The following SLITRK2 variants were observed in gnomAD, a reference collection of about 807,000 sequenced individuals.
SLITRK2 encodes the protein SLIT and NTRK-like protein 2.
A neutral mutation model predicts 35.4 loss-of-function variants in SLITRK2; 13 were observed. That is an observed-to-expected ratio of 0.37 (90% CI 0.24 to 0.58). The LOEUF is 0.58. Ranked by LOEUF, SLITRK2 falls within the 20% of genes least tolerant of loss-of-function variation. The probability of loss-of-function intolerance (pLI) is 0.75; values close to 1 mark genes in which losing one functional copy is unlikely to be tolerated. For synonymous variants in SLITRK2, 294 were observed against 264.7 expected (o/e 1.11, Z -1.07); for missense variants, 471 against 634.3 (o/e 0.74, Z 2.76).
rs781967820 is a variant in SLITRK2 at position 145,824,613 on chromosome X, C to A, written c.2188C>A (p.Pro730Thr). ...CAACCTGGAGGAGAAAAAAGAAGAG[C>A]CAGCCACACCTGCTTACACAATAAG... is the stretch of plus-strand genomic sequence containing the variant. ...YSNLEEKKEE[P>T]ATPAYTISAT... Residue 730 changes from proline (P) to threonine (T), a missense_variant, in exon 5 of 5, where the codon CCA becomes ACA. Coordinates refer to ENST00000335565, the MANE Select transcript of SLITRK2 (RefSeq NM_032539.5). 6 of 1,210,644 alleles carry A rather than the reference C, an allele frequency of 5.0e-6. No individual in the cohort carries two copies. In the Admixed American group the frequency reaches 1.3e-4, roughly 26 times the overall value.
chrX:145,823,749 A>G lies in SLITRK2; in HGVS notation c.1324A>G (p.Met442Val). The G allele has an allele frequency of 8.3e-7, 1 of 1,211,477 alleles. No homozygotes were observed. The highest frequency in any genetic ancestry group is 1.1e-6 in the Non-Finnish European group (1 of 895,348). ...GNYLEVLYPS[M>V]FDGLQSLQYL... ...TTACCTTGAAGTGCTGTACCCTTCTATGTTTGATGGACTGCAGAGCTTGCA... is the reference window on the plus strand; with the variant it reads ...TTACCTTGAAGTGCTGTACCCTTCTGTGTTTGATGGACTGCAGAGCTTGCA... The change falls in exon 5 of 5, where the codon ATG becomes GTG. Residue 442 changes from methionine to valine, a missense_variant. Physicochemically the swap from Met to Val is conservative, Grantham distance 21 (BLOSUM62 1). Transcript: ENST00000335565.
chrX:145,828,833 A>C lies in SLITRK2; in HGVS notation c.*3870A>C, dbSNP rs1052261477. ...AAAAAAAACACCAAAATAAGATAAA[A>C]TAAAACAAATTTAAACACCAAAATA... On this transcript the variant is annotated 3_prime_UTR_variant, in exon 5 of 5. Transcript: ENST00000335565. The C allele has an allele frequency of 1.6e-5, 2 of 123,473 alleles. No individual in the cohort carries two copies. Among genetic ancestry groups the C allele is most frequent in the African/African-American group, 6.5e-5 (2 of 30,873 alleles). The allele number at this position is 123,473 out of a possible 1,213,427, so 10.2% of individuals were successfully genotyped here.
Position 145,822,995 on chromosome X carries a change from G to T in SLITRK2, c.570G>T (p.Gly190=), listed in dbSNP as rs1294808258. Residue 190 remains glycine, a synonymous_variant, in exon 5 of 5, where the codon GGG becomes GGT. Transcript: ENST00000335565. ...TGCTGACCCACTTAGACCTCAGGGG[G>T]AATAGGCTAAAAGTAATGCCTTTTG... ...FVLLTHLDLR[G]NRLKVMPFAG... 8.3e-7 allele frequency: 1 copy of T among 1,211,565 alleles called. No individual in the cohort carries two copies. Among genetic ancestry groups the T allele is most frequent in the Non-Finnish European group, 1.1e-6 (1 of 895,380 alleles).
chrX:145,823,320 C>G lies in SLITRK2; in HGVS notation c.895C>G (p.Pro299Ala), dbSNP rs2073059039. ...MNPALNPTRAPKASRPPKMRN... is the reference protein window; with the variant it reads ...MNPALNPTRAAKASRPPKMRN... ...TCCTGCTCTCAACCCAACCAGGGCT[C>G]CGAAAGCCAGCCGGCCGCCCAAAAT... The change falls in exon 5 of 5, where the codon CCG becomes GCG. Residue 299 changes from proline to alanine, a missense_variant. Physicochemically the swap from Pro to Ala is conservative, Grantham distance 27. Coordinates refer to ENST00000335565, the MANE Select transcript of SLITRK2 (RefSeq NM_032539.5). 2.5e-6 allele frequency: 3 copies of G among 1,209,408 alleles called. No homozygotes were observed. The highest frequency in any genetic ancestry group is 3.4e-6 in the Non-Finnish European group (3 of 895,052).
rs1556946187 is a variant in SLITRK2 at position 145,827,917 on chromosome X, G to A, written c.*2954G>A. ...TTTATTTCACATGCAGCTTTAAGAC[G>A]TATGAGCATCAGCACAGCAAAATGG... On this transcript the variant is annotated 3_prime_UTR_variant, in exon 5 of 5. Transcript: ENST00000335565. The A allele has an allele frequency of 8.3e-6, 10 of 1,211,275 alleles. No individual in the cohort carries two copies. In the Middle Eastern group the frequency reaches 1.4e-3, roughly 167 times the overall value.
rs1556946093 is a variant in SLITRK2, at chrX:145,827,651, A to T, written c.*2688A>T. The T allele has an allele frequency of 9.7e-7, 1 of 1,029,621 alleles. No homozygotes were observed. Among genetic ancestry groups the T allele is most frequent in the Non-Finnish European group, 1.3e-6 (1 of 771,479 alleles). 84.9% of individuals were successfully genotyped at this position (1,029,621 alleles called of 1,213,427 possible). The stretch of plus-strand genomic sequence containing the variant: ...CTTGTTACAGTTATACTTAATTTGC[A>T]GTAGATTTTTAAATGAAATTATTTG... On this transcript the variant is annotated 3_prime_UTR_variant, in exon 5 of 5. Transcript: ENST00000335565.
rs2124161085 is a variant in SLITRK2 at position 145,822,959 on chromosome X, C to T, written c.534C>T (p.Phe178=). 8.3e-7 allele frequency: 1 copy of T among 1,211,343 alleles called. No homozygotes were observed. The highest frequency in any genetic ancestry group is 1.1e-6 in the Non-Finnish European group (1 of 895,304). Reference sequence around the variant, plus strand: ...TGCTTTCACTGCCCAGCAATGTGTTCCGCTTTGTCCTGCTGACCCACTTAG... The same window carrying T: ...TGCTTTCACTGCCCAGCAATGTGTTTCGCTTTGTCCTGCTGACCCACTTAG... The part of the protein sequence containing the change: ...NLLLSLPSNV[F]RFVLLTHLDL... Residue 178 remains phenylalanine, a synonymous_variant, in exon 5 of 5, where the codon TTC becomes TTT. Transcript: ENST00000335565.
In SLITRK2 at chrX:145,828,226, ATTTCCTCTTCTT is replaced by A. The variant is rs1192670565; in HGVS notation, c.*3272_*3283del. On this transcript the variant is annotated 3_prime_UTR_variant, in exon 5 of 5. Transcript: ENST00000335565. ...TGGTGAGTAAGGAAATGACCCTTCA[ATTTCCTCTTCTT>A]TTTCCTCTGACCTCTGTGACTTAAT... 10 of 325,778 alleles carry A rather than the reference ATTTCCTCTTCTT, an allele frequency of 3.1e-5. No homozygotes were observed. The Admixed American group carries it at 5.1e-4, about 17-fold the overall frequency. The allele number at this position is 325,778 out of a possible 1,213,427, so 26.8% of individuals were successfully genotyped here.
chrX:145,823,384 A>G lies in SLITRK2; in HGVS notation c.959A>G (p.Asp320Gly), dbSNP rs2124173187. Residue 320 changes from aspartate to glycine, a missense_variant, in exon 5 of 5, where the codon GAC (aspartate) becomes GGC (glycine). Coordinates refer to ENST00000335565, the MANE Select transcript of SLITRK2 (RefSeq NM_032539.5). ...ACTCCTCGAGTGACTGTGTCAAAGG[A>G]CAGGCAAAGTTTTGGACCCATCATG... The part of the protein sequence containing the change: ...RPTPRVTVSK[D>G]RQSFGPIMVY... 1 of 1,211,882 alleles carries G rather than the reference A, an allele frequency of 8.3e-7. No individual in the cohort carries two copies. The highest frequency in any genetic ancestry group is 1.1e-6 in the Non-Finnish European group (1 of 895,516).
At chrX:145,818,513 G>A in intron 1 of SLITRK2, 1 of 114,331 alleles carries the variant, frequency 8.7e-6, no homozygotes, top group Non-Finnish European at 1.9e-5. Flanking sequence ...AGCGCCCTTC[G>A]GAAATGGGAT....
rs2073119805 is a variant in SLITRK2 at position 145,825,869 on chromosome X, C to G, written c.*906C>G. 8.2e-6 allele frequency: 1 copy of G among 121,348 alleles called. No homozygotes were observed. The highest frequency in any genetic ancestry group is 9.7e-5 in the Admixed American group (1 of 10,355). 10.0% of individuals were successfully genotyped at this position (121,348 alleles called of 1,213,427 possible). ...ATCAGAGTGAATTGAGCAATTAATG[C>G]CCTTCCATAAATCATTATTTTACAC... On this transcript the variant is annotated 3_prime_UTR_variant, in exon 5 of 5. Transcript: ENST00000335565.
rs1194113761 is a variant in SLITRK2, at chrX:145,826,595, A to C, written c.*1632A>C. 1 of 112,348 alleles carries C rather than the reference A, an allele frequency of 8.9e-6. No individual in the cohort carries two copies. The highest frequency in any genetic ancestry group is 3.2e-5 in the African/African-American group (1 of 30,996). 9.3% of individuals were successfully genotyped at this position (112,348 alleles called of 1,213,427 possible). ...TTTAAACAAACAGCCCTTCTTTACA[A>C]CAAAAAATAGTTTTGTTTTGTCTAT... On this transcript the variant is annotated 3_prime_UTR_variant, in exon 5 of 5. Coordinates refer to ENST00000335565, the MANE Select transcript of SLITRK2 (RefSeq NM_032539.5).
rs782706872 is a variant in SLITRK2 at position 145,822,289 on chromosome X, G to C, written c.-43-94G>C. 11 of 486,335 alleles carry C rather than the reference G, an allele frequency of 2.3e-5. No homozygotes were observed. The African/African-American group carries it at 2.4e-4, about 11-fold the overall frequency. 40.1% of individuals were successfully genotyped at this position (486,335 alleles called of 1,213,427 possible). A position where few individuals can be genotyped will look rare whatever the true frequency, so the allele number is the denominator to read the frequency against. On this transcript the variant is annotated intron_variant, in intron 4 of 4. Coordinates refer to ENST00000335565, the MANE Select transcript of SLITRK2 (RefSeq NM_032539.5). ...GTTGCTAACCCCCTCATTCTCCCTCGCTCCCACTCCGCCTCCTTGCTTTAC... is the reference window on the plus strand; with the variant it reads ...GTTGCTAACCCCCTCATTCTCCCTCCCTCCCACTCCGCCTCCTTGCTTTAC...
chrX:145,824,858 T>C lies in SLITRK2; in HGVS notation c.2433T>C (p.Phe811=), dbSNP rs781906553. 5 of 1,209,859 alleles carry C rather than the reference T, an allele frequency of 4.1e-6. No individual in the cohort carries two copies. Among genetic ancestry groups the C allele is most frequent in the Non-Finnish European group, 5.6e-6 (5 of 895,311 alleles). ...TVLYGTPRKC[F]VGQSKPNHPL... is the part of the protein sequence containing the mutation. ...TATATGGAACTCCCAGGAAATGCTT[T>C]GTGGGGCAGTCAAAACCCAACCACC... The change falls in exon 5 of 5, where the codon TTT becomes TTC. Residue 811 remains phenylalanine (F), a synonymous_variant. Transcript: ENST00000335565.
Position 145,824,146 on chromosome X carries a change from G to A in SLITRK2, c.1721G>A (p.Arg574Lys), listed in dbSNP as rs782420604. ...HAGEILKFLGREAICPDSPNL... is the reference protein window; with the variant it reads ...HAGEILKFLGKEAICPDSPNL... ...GGGGAGATACTAAAATTTCTGGGGA[G>A]GGAGGCTATCTGTCCAGACAGCCCA... The change falls in exon 5 of 5, where the codon AGG (arginine) becomes AAG (lysine). Residue 574 changes from arginine (R) to lysine (K), a missense_variant. By Grantham distance (26) the Arg-to-Lys change is conservative. This residue lies in a region of SLITRK2 where 92 missense variants were observed against 184.2 expected (regional missense o/e 0.50). Transcript: ENST00000335565. 8 of 1,209,939 alleles carry A rather than the reference G, an allele frequency of 6.6e-6. No homozygotes were observed. The highest frequency in any genetic ancestry group is 8.9e-6 in the Non-Finnish European group (8 of 894,709).
Position 145,827,882 on chromosome X carries a change from C to T in SLITRK2, c.*2919C>T. On this transcript the variant is annotated 3_prime_UTR_variant, in exon 5 of 5. Coordinates refer to ENST00000335565, the MANE Select transcript of SLITRK2 (RefSeq NM_032539.5). ...TTTTATCTTCCACAGCTGGATATTG[C>T]TATTTCACTTTTATTTCACATGCAG... The T allele has an allele frequency of 8.3e-7, 1 of 1,211,176 alleles. No individual in the cohort carries two copies. Among genetic ancestry groups the T allele is most frequent in the Non-Finnish European group, 1.1e-6 (1 of 895,126 alleles).
In SLITRK2 at chrX:145,825,703, G is replaced by T. The variant is rs2073116643; in HGVS notation, c.*740G>T. 1 of 123,170 alleles carries T rather than the reference G, an allele frequency of 8.1e-6. No individual in the cohort carries two copies. The highest frequency in any genetic ancestry group is 1.9e-5 in the Non-Finnish European group (1 of 53,194). 10.2% of individuals were successfully genotyped at this position (123,170 alleles called of 1,213,427 possible). On this transcript the variant is annotated 3_prime_UTR_variant, in exon 5 of 5. Coordinates refer to ENST00000335565, the MANE Select transcript of SLITRK2 (RefSeq NM_032539.5). ...TGATTCTAGTTCTAGGACTTTGTAG[G>T]CTTAACTATAAAATATTTCCTTTCC... is the stretch of plus-strand genomic sequence containing the variant.
At chrX:145,818,569 G>A (rs1192719151) in intron 1 of SLITRK2, 3 of 112,743 alleles carry the variant, frequency 2.7e-5, no homozygotes, top group Non-Finnish European at 3.8e-5. Context: ...AGAGGCTGCG[G>A]GCAAGCAGTG....
chrX:145,823,624 C>A lies in SLITRK2; in HGVS notation c.1199C>A (p.Ser400Tyr), dbSNP rs2073065870. 8.3e-7 allele frequency: 1 copy of A among 1,210,008 alleles called. No individual in the cohort carries two copies. The highest frequency in any genetic ancestry group is 1.1e-6 in the Non-Finnish European group (1 of 895,178). ...VYKNDLLEYS[S>Y]LDLLHLGNNR... is the part of the protein sequence containing the mutation. Reference sequence around the variant, plus strand: ...AAGAATGACCTCTTAGAATACAGTTCTTTGGACTTACTGCACTTAGGAAAC... The same window carrying A: ...AAGAATGACCTCTTAGAATACAGTTATTTGGACTTACTGCACTTAGGAAAC... The change falls in exon 5 of 5, where the codon TCT becomes TAT. Residue 400 changes from serine to tyrosine, a missense_variant. Coordinates refer to ENST00000335565, the MANE Select transcript of SLITRK2 (RefSeq NM_032539.5).
Sources: gnomAD v4.1 joint callset for allele counts on GRCh38, gnomAD v4.1.1 for gene constraint, gnomAD v4.1.1 regional missense constraint, MANE v1.5 for transcripts, NCBI Gene and HGNC (gene_info 2026-07-23, HGNC 2026-07-21) for gene names.